TMX4: variants seen among roughly 807,000 people sequenced by gnomAD.
The protein encoded by TMX4 is thioredoxin-related transmembrane protein 4.
A neutral mutation model predicts 33.3 loss-of-function variants in TMX4; 23 were observed. The ratio of observed to expected loss-of-function variants is 0.69; its 90% CI spans 0.50 to 0.98. TMX4 has a LOEUF of 0.98. Among genes scored for constraint, TMX4 ranks in the 50% least tolerant of loss-of-function variants. The probability of loss-of-function intolerance (pLI) is 0.00; values close to 1 mark genes in which losing one functional copy is unlikely to be tolerated. For missense variants in TMX4, 399 were observed against 448.9 expected, an observed-to-expected ratio of 0.89 and a Z score of 1.01; for synonymous variants, 164 against 161.5, an observed-to-expected ratio of 1.02 and a Z score of -0.12.
At chr20:8,014,515 G>GA (rs1282292857) in intron 1 of TMX4, among the ~76,000 whole-genome samples, 2 of 151,978 alleles carry the variant, frequency 1.3e-5, no homozygotes, top group Admixed American at 6.6e-5. Flanking sequence ...AACAGGGAAG[G>GA]AAAAAAATAA....
In TMX4 at chr20:7,982,501, T is replaced by C; in HGVS notation, c.800A>G (p.Lys267Arg). 1.2e-6 allele frequency: 2 copies of C among 1,613,954 alleles called. No individual in the cohort carries two copies. The highest frequency in any genetic ancestry group is 1.7e-6 in the Non-Finnish European group (2 of 1,179,880). Residue 267 changes from lysine (K) to arginine (R), a missense_variant, in exon 8 of 8, where the codon AAA becomes AGA. Transcript: ENST00000246024. The stretch of plus-strand genomic sequence containing the variant: ...TTCATCCTCATCGCCAAGATCTTCT[T>C]TCTCTTCTTCATCATCTACAAGGCT... ...KDSLVDDEEE[K>R]EDLGDEDEAE...
chr20:7,992,916 A>T (rs1302075398), intron 5 of TMX4, among the ~76,000 whole-genome samples: 2 of 152,202 alleles, frequency 1.3e-5, no homozygotes, highest in Non-Finnish European at 2.9e-5. Flanking sequence ...AATAGAAGTT[A>T]TAGAAAAAAC....
At chr20:8,018,797 A>G in intron 1 of TMX4, 1 of 222,354 alleles carries the variant, frequency 4.5e-6, no homozygotes, top group South Asian at 4.6e-5. Flanking sequence ...TCCTACCTTT[A>G]CAAGTTATAA....
chr20:7,982,640 G>T lies in TMX4; in HGVS notation c.680-19C>A. ...TTCTGCTCTATGGAGGGAAGAAAGA[G>T]GAATATCCTCTGAATAAACAATGGT... On this transcript the variant is annotated intron_variant, in intron 7 of 7. Coordinates refer to ENST00000246024, the MANE Select transcript of TMX4 (RefSeq NM_021156.4). 1 of 1,593,078 alleles carries T rather than the reference G, an allele frequency of 6.3e-7. No individual in the cohort carries two copies. Among genetic ancestry groups the T allele is most frequent in the South Asian group, 1.1e-5 (1 of 88,454 alleles).
At position 8,010,162 on chromosome 20, in the gene TMX4, G is replaced by A. The variant is rs369763566; in HGVS notation, c.292+38C>T. ...TGAAAAAAATTCAAAATAAAAAGTC[G>A]GTAAACTTTTGCATTTTATGTGCAA... is the stretch of plus-strand genomic sequence containing the variant. On this transcript the variant is annotated intron_variant, in intron 2 of 7. Coordinates refer to ENST00000246024, the MANE Select transcript of TMX4 (RefSeq NM_021156.4). The A allele has an allele frequency of 3.2e-4, 488 of 1,518,318 alleles. 5 individuals are homozygous for A. The South Asian group carries it at 4.0e-3, about 13-fold the overall frequency. 94.1% of individuals were successfully genotyped at this position (1,518,318 alleles called of 1,614,324 possible).
In TMX4 at chr20:7,978,407, C is replaced by T. The variant is rs1055003476; in HGVS notation, c.*3844G>A. The T allele has an allele frequency of 1.3e-5, 2 of 152,130 alleles. No homozygotes were observed. Among genetic ancestry groups the T allele is most frequent in the Non-Finnish European group, 2.9e-5 (2 of 68,026 alleles). The allele number at this position is 152,130 out of a possible 1,614,324, so 9.4% of individuals were successfully genotyped here. ...TGATGCATTTGGTAATAAAAAGTCA[C>T]ATGGTAAGTATTTGCCTTAAAAATG... On this transcript the variant is annotated 3_prime_UTR_variant, in exon 8 of 8. Coordinates refer to ENST00000246024, the MANE Select transcript of TMX4 (RefSeq NM_021156.4).
At chr20:7,987,171 T>G (rs1002628581) in intron 6 of TMX4, 117 bp downstream of exon 6, 1 of 705,212 alleles carries the variant, frequency 1.4e-6, no homozygotes, top group Admixed American at 3.4e-5. Flanking sequence ...GCTATTTAAC[T>G]ACTTAGATTG....
chr20:8,013,770 A>G (rs2050762133), intron 1 of TMX4: 1 of 152,246 alleles, frequency 6.6e-6, no homozygotes, highest in South Asian at 2.1e-4. Context: ...TTATTTACCA[A>G]TAATGAACAA....
intron 2 of TMX4, among the ~76,000 whole-genome samples, chr20:8,005,980 A>G (rs1036276460): frequency 1.3e-5 from 2 of 151,112 alleles, no homozygotes; most frequent in Non-Finnish European, 2.9e-5. Flanking sequence ...CCAAGGCAAG[A>G]AGCCCTCTGT....
At position 7,978,181 on chromosome 20, in the gene TMX4, T is replaced by C. The variant is rs2050588520; in HGVS notation, c.*4070A>G. 1 of 152,202 alleles carries C rather than the reference T, an allele frequency of 6.6e-6. No individual in the cohort carries two copies. Among genetic ancestry groups the C allele is most frequent in the Non-Finnish European group, 1.5e-5 (1 of 68,038 alleles). The allele number at this position is 152,202 out of a possible 1,614,324, so 9.4% of individuals were successfully genotyped here. A position where few individuals can be genotyped will look rare whatever the true frequency, so the allele number is the denominator to read the frequency against. The stretch of plus-strand genomic sequence containing the variant: ...TTCATAATACTGACAGAAATAACAC[T>C]GTAACACCAAGATGAGGGACACAGA... On this transcript the variant is annotated 3_prime_UTR_variant, in exon 8 of 8. Transcript: ENST00000246024.
In TMX4 at chr20:7,981,960, A is replaced by G. The variant is rs2050607825; in HGVS notation, c.*291T>C. The G allele has an allele frequency of 3.1e-6, 1 of 318,224 alleles. No homozygotes were observed. The highest frequency in any genetic ancestry group is 5.8e-6 in the Non-Finnish European group (1 of 173,058). 19.7% of individuals were successfully genotyped at this position (318,224 alleles called of 1,614,324 possible). ...TGGAAGGTGCTGATTAGGACTGGGA[A>G]TGGCCTCCTCTGGTCGAGACTCTCT... On this transcript the variant is annotated 3_prime_UTR_variant, in exon 8 of 8. Coordinates refer to ENST00000246024, the MANE Select transcript of TMX4 (RefSeq NM_021156.4).
chr20:8,012,343 G>T (rs1223408110), intron 1 of TMX4, among the ~76,000 whole-genome samples: 3 of 152,066 alleles, frequency 2.0e-5, no homozygotes, highest in Admixed American at 2.0e-4. Flanking sequence ...TATTTAATAG[G>T]AGCAACCATT....
chr20:7,992,716 G>A (rs2050660320), intron 5 of TMX4, among the ~76,000 whole-genome samples: 1 of 152,102 alleles, frequency 6.6e-6, no homozygotes, highest in Non-Finnish European at 1.5e-5. Flanking sequence ...TTTATCTCCA[G>A]AATGTGCAAC....
Position 8,001,465 on chromosome 20 carries a change from T to A in TMX4, c.338+31A>T, listed in dbSNP as rs4816037. 8.1e-3 allele frequency: 12,723 copies of A among 1,568,168 alleles called. 435 individuals carry two copies. In the Admixed American group the frequency reaches 0.085, roughly 10 times the overall value. On this transcript the variant is annotated intron_variant, in intron 3 of 7. Coordinates refer to ENST00000246024, the MANE Select transcript of TMX4 (RefSeq NM_021156.4). Reference sequence around the variant, plus strand: ...GGTACACATCTATTGATTTCTAATATTTGCAAGATTAGAAGATTATTTAAA... The same window carrying A: ...GGTACACATCTATTGATTTCTAATAATTGCAAGATTAGAAGATTATTTAAA...
At chr20:8,017,407 G>A (rs1223923168) in intron 1 of TMX4, among the ~76,000 whole-genome samples, 3 of 152,130 alleles carry the variant, frequency 2.0e-5, no homozygotes, top group Non-Finnish European at 4.4e-5. Context: ...CTGGACACAT[G>A]ACAAACTCAG....
intron 6 of TMX4, 41 bp from the exon 7 acceptor site, chr20:7,983,898 A>G: frequency 6.6e-7 from 1 of 1,516,612 alleles, no homozygotes; most frequent in Non-Finnish European, 9.1e-7. Context: ...TAGATAGGAC[A>G]TTTATTACCA....
At chr20:7,999,116 T>A (rs958734093) in intron 4 of TMX4, among the ~76,000 whole-genome samples, 2 of 152,196 alleles carry the variant, frequency 1.3e-5, no homozygotes, top group African/African-American at 2.4e-5. Context: ...GATTTGCTCC[T>A]TTTTCAGTAG....
chr20:7,982,430 C>A lies in TMX4; in HGVS notation c.871G>T (p.Glu291Ter). The change falls in exon 8 of 8, where the codon GAG becomes TAG. Residue 291 changes from glutamate (E) to a stop codon, truncating the protein, a stop_gained. Transcript: ENST00000246024. LOFTEE classifies it low-confidence loss of function (END_TRUNC). ...TGATCATTGGCCTCACTTCTCTCCT[C>A]ATCCACACCAGCAGCCAAGTTGTCC... ...EEDNLAAGVDEERSEANDQGP... is the reference protein window; with the variant it reads ...EEDNLAAGVD 1 of 1,614,144 alleles carries A rather than the reference C, an allele frequency of 6.2e-7. No individual in the cohort carries two copies. Among genetic ancestry groups the A allele is most frequent in the South Asian group, 1.1e-5 (1 of 91,080 alleles).
chr20:7,982,149 G>T lies in TMX4; in HGVS notation c.*102C>A. 8.1e-7 allele frequency: 1 copy of T among 1,227,752 alleles called. No individual in the cohort carries two copies. 76.1% of individuals were successfully genotyped at this position (1,227,752 alleles called of 1,614,324 possible). A position where few individuals can be genotyped will look rare whatever the true frequency, so the allele number is the denominator to read the frequency against. ...GACTAGAGAGCATCTTTTAAGAGAA[G>T]CTTGCTCATTCAGGAAAAATTAAGG... On this transcript the variant is annotated 3_prime_UTR_variant, in exon 8 of 8. Transcript: ENST00000246024.
Sources: allele counts gnomAD v4.1 joint callset (sites outside exome capture counted in the v4.1 genomes callset), GRCh38; gene constraint gnomAD v4.1.1; transcripts MANE v1.5; gene names NCBI Gene and HGNC (gene_info 2026-07-23, HGNC 2026-07-21).